Variants in TOP1 observed in about 807,000 individuals in gnomAD.
TOP1 encodes DNA topoisomerase I, also known as DNA topoisomerase 1.
TOP1 carries 10 observed loss-of-function variants against 111.1 expected under a neutral mutation model. The observed-to-expected ratio is 0.09, with a 90% CI of 0.06 to 0.15. The LOEUF is 0.15. Among genes scored for constraint, TOP1 ranks in the 10% least tolerant of loss-of-function variants. The pLI is 1.00. For missense variants in TOP1, 474 were observed against 926.7 expected (o/e 0.51, Z 6.34); for synonymous variants, 271 against 302.9 (o/e 0.89, Z 1.10).
intron 2 of TOP1, among the ~76,000 whole-genome samples, chr20:41,039,482 A>G (rs1189556779): frequency 6.6e-6 from 1 of 152,168 alleles, no homozygotes; most frequent in Non-Finnish European, 1.5e-5. Flanking sequence ...GTTACAAAAA[A>G]TGGTTTTTTT....
At chr20:41,056,013 G>A (rs1465951392) in intron 2 of TOP1, among the ~76,000 whole-genome samples, 1 of 152,184 alleles carries the variant, frequency 6.6e-6, no homozygotes, top group Non-Finnish European at 1.5e-5. Context: ...GAACTCCCAT[G>A]TGTCTGTCAC....
rs59518834 is a variant in TOP1 at position 41,035,253 on chromosome 20, T to C, written c.58+5798T>C. On this transcript the variant is annotated intron_variant, in intron 2 of 20. Coordinates refer to ENST00000361337, the MANE Select transcript of TOP1 (RefSeq NM_003286.4). ...AAGCTTCTAGTTTCACTCACTTACC[T>C]GTCTGCTAAATTTTTCTGAAATGTG... Among the ~76,000 whole-genome samples the C allele has an allele frequency of 7.1e-3, 1,081 of 152,290 alleles. 12 individuals are homozygous for C. Among genetic ancestry groups the C allele is most frequent in the East Asian group, 0.026 (137 of 5,188 alleles).
intron 4 of TOP1, 43 bp from the exon 5 acceptor site, chr20:41,077,539 T>A (rs1417258869): frequency 6.5e-7 from 1 of 1,527,474 alleles, no homozygotes; most frequent in South Asian, 1.1e-5. Context: ...TTCTTCAAAT[T>A]TAGTCCTTTC....
intron 3 of TOP1, among the ~76,000 whole-genome samples, chr20:41,074,502 T>TC (rs1438923999): frequency 6.6e-6 from 1 of 151,340 alleles, no homozygotes; most frequent in Non-Finnish European, 1.5e-5. Flanking sequence ...TTTTTTTTTC[T>TC]CCATCTATTT....
intron 2 of TOP1, among the ~76,000 whole-genome samples, chr20:41,048,049 T>C (rs2033355330): frequency 6.6e-6 from 1 of 151,688 alleles, no homozygotes; most frequent in African/African-American, 2.4e-5. Flanking sequence ...GAACAACCTC[T>C]TTCTTCCTCA....
rs2033646942 is a variant in TOP1, at chr20:41,069,616, A to C, written c.156-6555A>C. On this transcript the variant is annotated intron_variant, in intron 3 of 20. Transcript: ENST00000361337. This position sits in a 1 kb window ranked among gnomAD's most constrained non-coding sequence, Gnocchi z 4.1. ...ATGACAGCTCTTTGGGAACTGTAAC[A>C]TACTAAATAATTGAGATAATGATGG... Among the ~76,000 whole-genome samples the C allele has an allele frequency of 6.6e-6, 1 of 152,242 alleles. No homozygotes were observed. The highest frequency in any genetic ancestry group is 2.1e-4 in the South Asian group (1 of 4,830).
At chr20:41,073,038 G>A (rs1194813235) in intron 3 of TOP1, 17 of 985,220 alleles carry the variant, frequency 1.7e-5, no homozygotes, top group Non-Finnish European at 1.7e-5. Context: ...TCTCTTTCTG[G>A]TTAGCAGGCA....
Position 41,109,664 on chromosome 20 carries a change from T to C in TOP1, c.1309-3118T>C, listed in dbSNP as rs1300563486. Among the ~76,000 whole-genome samples, 1 of 152,146 alleles carries C rather than the reference T, an allele frequency of 6.6e-6. No individual in the cohort carries two copies. The highest frequency in any genetic ancestry group is 1.9e-4 in the East Asian group (1 of 5,194). Reference sequence around the variant, plus strand: ...AAAAAGAGCAAAAGACTTGAACATATACTATACAAAAGAAGATACAGGAAT... The same window carrying C: ...AAAAAGAGCAAAAGACTTGAACATACACTATACAAAAGAAGATACAGGAAT... On this transcript the variant is annotated intron_variant, in intron 13 of 20. Transcript: ENST00000361337. The surrounding 1 kb of genome is among the most constrained non-coding windows in gnomAD (Gnocchi z 4.1).
rs2033499885 is a variant in TOP1, at chr20:41,058,315, A to G, written c.59-3079A>G. Among the ~76,000 whole-genome samples, 3 of 152,328 alleles carry G rather than the reference A, an allele frequency of 2.0e-5. No homozygotes were observed. Among genetic ancestry groups the G allele is most frequent in the South Asian group, 2.1e-4 (1 of 4,824 alleles). On this transcript the variant is annotated intron_variant, in intron 2 of 20. Transcript: ENST00000361337. The surrounding 1 kb of genome is among the most constrained non-coding windows in gnomAD (Gnocchi z 4.2). ...AATATAATAGCTTAAAACAACAGAC[A>G]CTTATTTTCTCATGTAGTTCCTGTG...
At position 41,122,031 on chromosome 20, in the gene TOP1, G is replaced by A. The variant is rs2145973987; in HGVS notation, c.2071G>A (p.Val691Ile). 6.2e-7 allele frequency: 1 copy of A among 1,614,072 alleles called. No homozygotes were observed. Among genetic ancestry groups the A allele is most frequent in the Non-Finnish European group, 8.5e-7 (1 of 1,180,040 alleles). Residue 691 changes from valine (V) to isoleucine (I), a missense_variant, in exon 20 of 21, where the codon GTT becomes ATT. This residue lies in a region of TOP1 where 36 missense variants were observed against 42.3 expected (regional missense o/e 0.85). Coordinates refer to ENST00000361337, the MANE Select transcript of TOP1 (RefSeq NM_003286.4). The surrounding 1 kb of genome is among the most constrained non-coding windows in gnomAD (Gnocchi z 5.4). ...KKVVESKKKA[V>I]QRLEEQLMKL... is the part of the protein sequence containing the mutation. ...GGTAGTAGAGTCAAAGAAGAAGGCT[G>A]TTCAGAGACTGGAGGAACAGTTGAT...
chr20:41,034,442 G>A lies in TOP1; in HGVS notation c.58+4987G>A, dbSNP rs2033159735. Among the ~76,000 whole-genome samples, 1 of 152,180 alleles carries A rather than the reference G, an allele frequency of 6.6e-6. No homozygotes were observed. Among genetic ancestry groups the A allele is most frequent in the Non-Finnish European group, 1.5e-5 (1 of 68,038 alleles). On this transcript the variant is annotated intron_variant, in intron 2 of 20. Transcript: ENST00000361337. The surrounding 1 kb of genome is among the most constrained non-coding windows in gnomAD (Gnocchi z 4.0). ...CTCCCTGCCACCTGCCTATCTAGAT[G>A]TGGACAGTATGTGCTGTGTTGATAG... is the stretch of plus-strand genomic sequence containing the variant.
At chr20:41,054,178 T>A (rs1284358913) in intron 2 of TOP1, among the ~76,000 whole-genome samples, 2 of 152,172 alleles carry the variant, frequency 1.3e-5, no homozygotes, top group Non-Finnish European at 2.9e-5. Flanking sequence ...CTCATAATCT[T>A]CCTGTGTTGT....
chr20:41,111,067 A>G (rs2034230728), intron 13 of TOP1, among the ~76,000 whole-genome samples: 1 of 152,166 alleles, frequency 6.6e-6, no homozygotes, highest in Non-Finnish European at 1.5e-5. Flanking sequence ...CCTGACTCCT[A>G]CCTTACATTC....
At position 41,094,603 on chromosome 20, in the gene TOP1, A is replaced by G. The variant is rs1167756776; in HGVS notation, c.730+2016A>G. ...CAGGATCCTGCTTTAGGGCTCCAGC[A>G]TTTTCTCAGCTGGTCCTCTGCTGGG... is the stretch of plus-strand genomic sequence containing the variant. On this transcript the variant is annotated intron_variant, in intron 9 of 20. Transcript: ENST00000361337. The surrounding 1 kb of genome is among the most constrained non-coding windows in gnomAD (Gnocchi z 4.4). 2.6e-5 allele frequency among the ~76,000 whole-genome samples: 4 copies of G among 152,010 alleles called. No individual in the cohort carries two copies. The highest frequency in any genetic ancestry group is 9.7e-5 in the African/African-American group (4 of 41,392).
At chr20:41,059,822 T>C (rs569943175) in intron 2 of TOP1, among the ~76,000 whole-genome samples, 11 of 152,266 alleles carry the variant, frequency 7.2e-5, no homozygotes, top group African/African-American at 2.6e-4. Context: ...ATCCAGAATG[T>C]ATAAAGAGCT....
intron 13 of TOP1, among the ~76,000 whole-genome samples, chr20:41,104,988 A>T (rs1297748559): frequency 3.9e-5 from 6 of 152,222 alleles, no homozygotes; most frequent in Non-Finnish European, 8.8e-5. Context: ...TAATTATGTA[A>T]TGAACACTCG....
At chr20:41,085,587 A>G (rs964479315) in intron 8 of TOP1, among the ~76,000 whole-genome samples, 39 of 152,258 alleles carry the variant, frequency 2.6e-4, no homozygotes, top group African/African-American at 9.4e-4. Flanking sequence ...AAAAAACTCA[A>G]ATGATTGACA....
intron 2 of TOP1, among the ~76,000 whole-genome samples, chr20:41,045,187 A>G (rs1451547811): frequency 5.3e-5 from 8 of 152,172 alleles, no homozygotes; most frequent in Non-Finnish European, 8.8e-5. Context: ...AAACTAGCCA[A>G]TAGTGGCTAC....
chr20:41,040,293 C>T (rs923966760), intron 2 of TOP1, among the ~76,000 whole-genome samples: 1 of 152,136 alleles, frequency 6.6e-6, no homozygotes, highest in Non-Finnish European at 1.5e-5. Context: ...GAAAAGTGAT[C>T]GGGACAAAAT....
Sources: gnomAD v4.1 joint callset for allele counts (sites outside exome capture counted in the v4.1 genomes callset) on GRCh38, gnomAD v4.1.1 for gene constraint, gnomAD v4.1.1 regional missense constraint, Gnocchi (gnomAD v3.1) non-coding constraint, MANE v1.5 for transcripts, NCBI Gene and HGNC (gene_info 2026-07-23, HGNC 2026-07-21) for gene names.